The following ADAMTS9 variants were observed in gnomAD, a reference collection of about 807,000 sequenced individuals.
ADAMTS9 encodes A disintegrin and metalloproteinase with thrombospondin motifs 9.
ADAMTS9 carries 107 observed loss-of-function variants against 257.1 expected under a neutral mutation model. That is an observed-to-expected ratio of 0.42 (90% CI 0.36 to 0.49). ADAMTS9 has a LOEUF of 0.49. Ranked by LOEUF, ADAMTS9 falls within the 20% of genes least tolerant of loss-of-function variation. The pLI is 0.03. For synonymous variants in ADAMTS9, 982 were observed against 880.9 expected (o/e 1.11, Z -2.03); for missense variants, 2,353 against 2,469.1 (o/e 0.95, Z 1.00).
At chr3:64,569,054 TG>T (rs2083612731) in intron 28 of ADAMTS9, 1 of 154,990 alleles carries the variant, frequency 6.5e-6, no homozygotes, top group Non-Finnish European at 1.4e-5. Context: ...CGTTAGAAAC[TG>T]AAAGGTAAGC....
intron 30 of ADAMTS9, among the ~76,000 whole-genome samples, chr3:64,555,408 A>G (rs143303424): frequency 6.4e-4 from 97 of 152,262 alleles, no homozygotes; most frequent in African/African-American, 9.4e-4. Context: ...GTATTTTACA[A>G]TGAGCCAAGG....
intron 3 of ADAMTS9, among the ~76,000 whole-genome samples, chr3:64,660,574 C>T (rs1701197508): frequency 6.6e-6 from 1 of 152,158 alleles, no homozygotes; most frequent in Admixed American, 6.5e-5. Context: ...CCCATCCTGC[C>T]TGGGGCTGGA....
intron 16 of ADAMTS9, 51 bp downstream of exon 16, chr3:64,631,404 C>T (rs1335694472): frequency 7.1e-7 from 1 of 1,412,886 alleles, no homozygotes; most frequent in South Asian, 1.2e-5. Flanking sequence ...CAGTATCTGG[C>T]CACTGCTCCA....
intron 37 of ADAMTS9, among the ~76,000 whole-genome samples, chr3:64,535,894 T>G (rs1460602980): frequency 1.3e-5 from 2 of 151,102 alleles, no homozygotes; most frequent in Non-Finnish European, 2.9e-5. Context: ...CCCCCAGGAG[T>G]GGGTCCACAT....
In ADAMTS9 at chr3:64,553,312, G is replaced by A. The variant is rs536181695; in HGVS notation, c.4699-2250C>T. On this transcript the variant is annotated intron_variant, in intron 30 of 39. Transcript: ENST00000498707. ...CATATATGGAATCATCCAATATGTG[G>A]CCTTTATTACCTGACTTCTCTCCCT... Among the ~76,000 whole-genome samples, 6 of 152,148 alleles carry A rather than the reference G, an allele frequency of 3.9e-5. No individual in the cohort carries two copies. In the East Asian group the frequency reaches 9.7e-4, roughly 25 times the overall value.
chr3:64,661,297 T>A (rs918200077), intron 3 of ADAMTS9, among the ~76,000 whole-genome samples: 1 of 137,486 alleles, frequency 7.3e-6, no homozygotes, highest in African/African-American at 2.9e-5. Context: ...CAACTGGCAT[T>A]TGTATACATA....
intron 30 of ADAMTS9, among the ~76,000 whole-genome samples, chr3:64,554,503 T>G (rs889918488): frequency 3.9e-5 from 6 of 151,916 alleles, no homozygotes; most frequent in African/African-American, 1.2e-4. Flanking sequence ...TAATATGGCT[T>G]CCCCCTCAAC....
intron 28 of ADAMTS9, 174 bp from the exon 29 acceptor site, chr3:64,568,709 GA>G (rs765680942): frequency 4.7e-3 from 2,911 of 618,402 alleles, no homozygotes; most frequent in East Asian, 6.5e-3. Flanking sequence ...AGGTGGCATT[GA>G]AAAAAAAAAT....
rs568330468 is a variant in ADAMTS9 at position 64,537,547 on chromosome 3, A to C, written c.5613+1656T>G. ...AGAGCTTCCTCTCCACTTCTCTAAAACGTTTAGCAATGCTCTTCTAAAGCT... is the reference window on the plus strand; with the variant it reads ...AGAGCTTCCTCTCCACTTCTCTAAACCGTTTAGCAATGCTCTTCTAAAGCT... On this transcript the variant is annotated intron_variant, in intron 37 of 39. Transcript: ENST00000498707. 2.0e-5 allele frequency among the ~76,000 whole-genome samples: 3 copies of C among 152,148 alleles called. No homozygotes were observed. In the South Asian group the frequency reaches 6.2e-4, roughly 32 times the overall value.
chr3:64,536,499 T>G (rs2083051455), intron 37 of ADAMTS9, among the ~76,000 whole-genome samples: 1 of 152,210 alleles, frequency 6.6e-6, no homozygotes, highest in Non-Finnish European at 1.5e-5. Flanking sequence ...TGTTTTCTGT[T>G]GTACAGGAGC....
At position 64,655,824 on chromosome 3, in the gene ADAMTS9, T is replaced by C. The variant is rs749653856; in HGVS notation, c.1021A>G (p.Ile341Val). The C allele has an allele frequency of 6.4e-7, 1 of 1,572,768 alleles. No individual in the cohort carries two copies. Among genetic ancestry groups the C allele is most frequent in the African/African-American group, 1.4e-5 (1 of 72,404 alleles). Residue 341 changes from isoleucine to valine, a missense_variant, in exon 5 of 40, where the codon ATT becomes GTT. Physicochemically the swap from Ile to Val is conservative, Grantham distance 29. Transcript: ENST00000498707. ...TTATGAATCACAATTAAGTTCACAA[T>C]AACAATATTAATTAAATTTCCAATA... The part of the protein sequence containing the change: ...PSIGNLINIV[I>V]VNLIVIHNEQ...
chr3:64,598,550 C>T (rs938872077), intron 26 of ADAMTS9, among the ~76,000 whole-genome samples: 5 of 152,024 alleles, frequency 3.3e-5, no homozygotes, highest in Non-Finnish European at 2.9e-5. Flanking sequence ...GAACTCTTGG[C>T]CTCAAGCAAT....
chr3:64,659,184 G>C (rs956035720), intron 3 of ADAMTS9, among the ~76,000 whole-genome samples: 1 of 152,150 alleles, frequency 6.6e-6, no homozygotes, highest in Non-Finnish European at 1.5e-5. Flanking sequence ...AACTTAAATG[G>C]AGGCTGGGCA....
intron 19 of ADAMTS9, among the ~76,000 whole-genome samples, chr3:64,617,932 C>G (rs1700005366): frequency 6.6e-6 from 1 of 152,174 alleles, no homozygotes; most frequent in Non-Finnish European, 1.5e-5. Context: ...GTTTTGGACA[C>G]AGCTACTTGA....
chr3:64,564,620 G>T (rs531189645), intron 29 of ADAMTS9, among the ~76,000 whole-genome samples: 5 of 151,492 alleles, frequency 3.3e-5, no homozygotes, highest in African/African-American at 7.3e-5. Context: ...TTTGTGTGTG[G>T]GGGGGGCGTT....
intron 30 of ADAMTS9, among the ~76,000 whole-genome samples, chr3:64,556,653 C>T (rs1027807972): frequency 8.5e-5 from 13 of 152,090 alleles, no homozygotes; most frequent in Admixed American, 6.5e-5. Context: ...TTTTAGAATG[C>T]CTTTATTCTA....
rs2084704719 is a variant in ADAMTS9 at position 64,613,446 on chromosome 3, G to A, written c.3253C>T (p.Arg1085Ter). 1 of 1,613,936 alleles carries A rather than the reference G, an allele frequency of 6.2e-7. No individual in the cohort carries two copies. Among genetic ancestry groups the A allele is most frequent in the Non-Finnish European group, 8.5e-7 (1 of 1,179,898 alleles). Residue 1085 changes from arginine to a stop codon, truncating the protein, a stop_gained, in exon 22 of 40, where the codon CGA becomes TGA. Transcript: ENST00000498707. LOFTEE classifies it high-confidence loss of function. ...RQVWCQFGED[R>*]LNDRMCDPET... ...GGGTCACACATTCTATCATTTAATC[G>A]ATCTTCACCAAACTGACACCAGACC...
At chr3:64,623,406 T>A (rs1228196739) in intron 16 of ADAMTS9, among the ~76,000 whole-genome samples, 1 of 152,172 alleles carries the variant, frequency 6.6e-6, no homozygotes, top group Non-Finnish European at 1.5e-5. Context: ...CAACACCCTC[T>A]GAGTGAGTAA....
At position 64,606,135 on chromosome 3, in the gene ADAMTS9, T is replaced by A. The variant is rs73832340; in HGVS notation, c.3474+825A>T. On this transcript the variant is annotated intron_variant, in intron 23 of 39. Transcript: ENST00000498707. Reference sequence around the variant, plus strand: ...TGATGTGGAAGATGTCTTTGCTGAATCAGATACCTTTCAGATATTAGAAGA... The same window carrying A: ...TGATGTGGAAGATGTCTTTGCTGAAACAGATACCTTTCAGATATTAGAAGA... Among the ~76,000 whole-genome samples, 767 of 152,358 alleles carry A rather than the reference T, an allele frequency of 5.0e-3. 2 individuals are homozygous for A. Among genetic ancestry groups the A allele is most frequent in the African/African-American group, 0.018 (743 of 41,578 alleles).
Sources: allele counts gnomAD v4.1 joint callset (sites outside exome capture counted in the v4.1 genomes callset), GRCh38; gene constraint gnomAD v4.1.1; transcripts MANE v1.5; gene names NCBI Gene and HGNC (gene_info 2026-07-23, HGNC 2026-07-21).